Variants in IGSF21 observed in about 807,000 individuals in gnomAD.
IGSF21 encodes the protein immunoglobulin superfamily member 21.
A neutral mutation model predicts 46.8 loss-of-function variants in IGSF21; 28 were observed. The ratio of observed to expected loss-of-function variants is 0.60; its 90% CI spans 0.44 to 0.82. The LOEUF (loss-of-function observed/expected upper bound fraction) is 0.82. Ranked by LOEUF, IGSF21 falls within the 40% of genes least tolerant of loss-of-function variation. The pLI, the probability that IGSF21 is intolerant of heterozygous loss-of-function variation, is 0.00. For synonymous variants in IGSF21, 284 were observed against 273.6 expected, an observed-to-expected ratio of 1.04 and a Z score of -0.38; for missense variants, 624 against 665.5, an observed-to-expected ratio of 0.94 and a Z score of 0.69.
At chr1:18,110,025 T>G in intron 1 of IGSF21, 1 of 152,230 alleles carries the variant, frequency 6.6e-6, no homozygotes, top group East Asian at 1.9e-4. Context: ...GGGAGCAGGG[T>G]TCTTCTGGCT....
At chr1:18,215,536 C>T (rs1433863216) in intron 1 of IGSF21, among the ~76,000 whole-genome samples, 3 of 152,136 alleles carry the variant, frequency 2.0e-5, no homozygotes, top group South Asian at 4.1e-4. Context: ...TAAATGACAT[C>T]TAAGCTAAGA....
At chr1:18,201,449 G>T (rs746861902) in intron 1 of IGSF21, among the ~76,000 whole-genome samples, 1 of 152,160 alleles carries the variant, frequency 6.6e-6, no homozygotes, top group African/African-American at 2.4e-5. Context: ...CACCACGGAG[G>T]GACACAACGA....
chr1:18,237,639 T>A (rs568641065), intron 2 of IGSF21, among the ~76,000 whole-genome samples: 2 of 152,334 alleles, frequency 1.3e-5, no homozygotes, highest in South Asian at 4.1e-4. Context: ...AATTAAGAGA[T>A]CACCTGCTGT....
chr1:18,336,832 C>T (rs564885404), intron 4 of IGSF21, among the ~76,000 whole-genome samples: 76 of 152,300 alleles, frequency 5.0e-4, no homozygotes, highest in Non-Finnish European at 8.1e-4. Context: ...CACAGTTCCA[C>T]GTGGCTAGGG....
intron 2 of IGSF21, among the ~76,000 whole-genome samples, chr1:18,270,292 T>C (rs960126485): frequency 6.6e-6 from 1 of 152,144 alleles, no homozygotes; most frequent in Admixed American, 6.5e-5. Flanking sequence ...AGTTCTGAGA[T>C]TTTCTTCCCA....
chr1:18,275,606 C>T (rs74056579), intron 2 of IGSF21, among the ~76,000 whole-genome samples: 36,713 of 152,058 alleles, frequency 0.24, 4,869 homozygotes, highest in African/African-American at 0.35. Flanking sequence ...GGAACCTCAC[C>T]TCACCCAACT....
intron 4 of IGSF21, among the ~76,000 whole-genome samples, chr1:18,342,686 T>C (rs527293457): frequency 7.9e-5 from 12 of 152,330 alleles, no homozygotes; most frequent in African/African-American, 1.4e-4. Flanking sequence ...GATTATACAA[T>C]ATGTGGTCTT....
At chr1:18,282,048 G>A (rs2085165959) in intron 2 of IGSF21, among the ~76,000 whole-genome samples, 2 of 152,236 alleles carry the variant, frequency 1.3e-5, no homozygotes, top group South Asian at 2.1e-4. Context: ...TAAAATGAGA[G>A]CCCTAAATGG....
At chr1:18,373,613 C>T (rs2086250684) in intron 6 of IGSF21, among the ~76,000 whole-genome samples, 1 of 152,190 alleles carries the variant, frequency 6.6e-6, no homozygotes, top group African/African-American at 2.4e-5. Context: ...CTCTGTGCCC[C>T]TCAGGATCAG....
chr1:18,216,033 C>G (rs536236930), intron 1 of IGSF21, among the ~76,000 whole-genome samples: 1 of 152,122 alleles, frequency 6.6e-6, no homozygotes, highest in Non-Finnish European at 1.5e-5. Flanking sequence ...GACAGACACA[C>G]GAAGAACCAC....
In IGSF21 at chr1:18,378,166, C is replaced by T. The variant is rs572109347; in HGVS notation, c.1334-90C>T. On this transcript the variant is annotated intron_variant, in intron 9 of 9. Transcript: ENST00000251296. ...CCCAGTTTGTCCTGATGCTGAAATC[C>T]AGCGTCTTTGTTGGGGACCTGGAGG... 2.0e-5 allele frequency: 21 copies of T among 1,068,098 alleles called. No homozygotes were observed. In the South Asian group the frequency reaches 2.5e-4, roughly 13 times the overall value. The allele number at this position is 1,068,098 out of a possible 1,614,324, so 66.2% of individuals were successfully genotyped here. A position where few individuals can be genotyped will look rare whatever the true frequency, so the allele number is the denominator to read the frequency against.
chr1:18,289,258 C>T (rs990535840), intron 2 of IGSF21, among the ~76,000 whole-genome samples: 7 of 152,290 alleles, frequency 4.6e-5, no homozygotes, highest in Admixed American at 1.3e-4. Flanking sequence ...GGCCAGAAGA[C>T]GGGCTGCCAG....
Position 18,146,289 on chromosome 1 carries a change from G to A in IGSF21, c.70+38091G>A, listed in dbSNP as rs138437160. Among the ~76,000 whole-genome samples the A allele has an allele frequency of 4.7e-3, 709 of 152,276 alleles. 4 individuals are homozygous for A. The highest frequency in any genetic ancestry group is 0.016 in the African/African-American group (675 of 41,552). ...CAAAGCACTGGGCCTAGCAGGGAGT[G>A]AGCGTCCATCAGTTTGAGGATGGTC... is the stretch of plus-strand genomic sequence containing the variant. On this transcript the variant is annotated intron_variant, in intron 1 of 9. Transcript: ENST00000251296.
intron 6 of IGSF21, among the ~76,000 whole-genome samples, chr1:18,375,454 A>G (rs977892520): frequency 1.3e-5 from 2 of 152,222 alleles, no homozygotes; most frequent in African/African-American, 2.4e-5. Flanking sequence ...AACAGACCCA[A>G]TGATCCCGAG....
rs537307776 is a variant in IGSF21 at position 18,253,700 on chromosome 1, A to G, written c.183+25690A>G. 1.9e-4 allele frequency among the ~76,000 whole-genome samples: 29 copies of G among 152,318 alleles called. 1 individual carries two copies. In the South Asian group the frequency reaches 5.0e-3, roughly 26 times the overall value. On this transcript the variant is annotated intron_variant, in intron 2 of 9. Coordinates refer to ENST00000251296, the MANE Select transcript of IGSF21 (RefSeq NM_032880.5). Reference sequence around the variant, plus strand: ...GGGGGGAGGTAGCATTTTATCTGGAAGAGGAGGCAATGAAGCCTCTGGGAA... The same window carrying G: ...GGGGGGAGGTAGCATTTTATCTGGAGGAGGAGGCAATGAAGCCTCTGGGAA...
At chr1:18,315,157 A>C (rs1033376350) in intron 3 of IGSF21, among the ~76,000 whole-genome samples, 1 of 152,090 alleles carries the variant, frequency 6.6e-6, no homozygotes, top group Non-Finnish European at 1.5e-5. Context: ...GAGCATTTCC[A>C]CGGCCCATCT....
intron 4 of IGSF21, among the ~76,000 whole-genome samples, chr1:18,351,027 A>C (rs929144217): frequency 1.3e-5 from 2 of 152,088 alleles, no homozygotes; most frequent in African/African-American, 4.8e-5. Context: ...TTTAGAGGAC[A>C]CGTGGGCCCT....
chr1:18,137,741 C>T (rs2086380454), intron 1 of IGSF21, among the ~76,000 whole-genome samples: 1 of 152,178 alleles, frequency 6.6e-6, no homozygotes, highest in Non-Finnish European at 1.5e-5. Flanking sequence ...GATCCTACCA[C>T]AACCCTTTGT....
chr1:18,120,236 G>A lies in IGSF21; in HGVS notation c.70+12038G>A, dbSNP rs148149316. Among the ~76,000 whole-genome samples, 9 of 152,348 alleles carry A rather than the reference G, an allele frequency of 5.9e-5. No homozygotes were observed. In the East Asian group the frequency reaches 1.7e-3, roughly 29 times the overall value. On this transcript the variant is annotated intron_variant, in intron 1 of 9. Transcript: ENST00000251296. ...CACTTTCTACCTATAGCTTGGAGGA[G>A]TAGATGTAACCAGAAAGCAGGCTGG...
Sources: allele counts gnomAD v4.1 joint callset (sites outside exome capture counted in the v4.1 genomes callset), GRCh38; gene constraint gnomAD v4.1.1; transcripts MANE v1.5; gene names NCBI Gene and HGNC (gene_info 2026-07-23, HGNC 2026-07-21).